The following FAM193A variants were observed in gnomAD, a reference collection of about 807,000 sequenced individuals.
FAM193A encodes protein FAM193A.
In FAM193A, 22 loss-of-function variants were observed where a neutral mutation model predicts 126.5. The observed-to-expected ratio is 0.17, with a 90% CI of 0.12 to 0.25. The LOEUF (loss-of-function observed/expected upper bound fraction) is 0.25, where lower values mean the gene tolerates loss of function less well. Ranked by LOEUF, FAM193A falls within the 10% of genes least tolerant of loss-of-function variation. The pLI is 1.00. For missense variants in FAM193A, 1,675 were observed against 1,672.8 expected, an observed-to-expected ratio of 1.00 and a Z score of -0.02; for synonymous variants, 761 against 646.8, an observed-to-expected ratio of 1.18 and a Z score of -2.68.
chr4:2,710,322 G>A (rs1445844914), intron 19 of FAM193A, among the ~76,000 whole-genome samples: 1 of 151,260 alleles, frequency 6.6e-6, no homozygotes, highest in Non-Finnish European at 1.5e-5. Flanking sequence ...TTATAGGCGC[G>A]TGTTACTACG....
At chr4:2,703,288 C>T (rs1259651905) in intron 19 of FAM193A, among the ~76,000 whole-genome samples, 1 of 152,166 alleles carries the variant, frequency 6.6e-6, no homozygotes, top group African/African-American at 2.4e-5. Context: ...ACTCTGTCAT[C>T]TAGGCTGGAG....
intron 19 of FAM193A, among the ~76,000 whole-genome samples, chr4:2,705,851 G>C (rs560640278): frequency 3.1e-4 from 47 of 152,084 alleles, no homozygotes; most frequent in African/African-American, 1.1e-3. Flanking sequence ...GCCTCCCACA[G>C]TGCTGGGATC....
chr4:2,605,897 G>C (rs1256226872), intron 2 of FAM193A, among the ~76,000 whole-genome samples: 1 of 138,034 alleles, frequency 7.2e-6, no homozygotes, highest in Non-Finnish European at 1.5e-5. Flanking sequence ...CTTGAACCTA[G>C]GAGGTGGAGG....
chr4:2,577,614 T>C (rs1460277679), intron 1 of FAM193A, among the ~76,000 whole-genome samples: 3 of 151,988 alleles, frequency 2.0e-5, no homozygotes, highest in African/African-American at 7.2e-5. Context: ...AGGTGGAGTT[T>C]TGCCGTGTTG....
chr4:2,694,866 G>T, intron 16 of FAM193A, 80 bp from the exon 17 acceptor site: 1 of 1,250,452 alleles, frequency 8.0e-7, no homozygotes. Context: ...GGGCAGGACA[G>T]TGGGTGGTCA....
At chr4:2,604,615 T>C (rs1443034697) in intron 2 of FAM193A, among the ~76,000 whole-genome samples, 6 of 152,064 alleles carry the variant, frequency 3.9e-5, no homozygotes, top group Non-Finnish European at 1.5e-5. Context: ...AAGGGCGTTG[T>C]TTTCTGTTTG....
At chr4:2,560,838 G>C (rs138565339) in intron 1 of FAM193A, among the ~76,000 whole-genome samples, 1 of 152,074 alleles carries the variant, frequency 6.6e-6, no homozygotes, top group African/African-American at 2.4e-5. Context: ...TGTGGAGGCA[G>C]GAGCTCACCA....
In FAM193A at chr4:2,552,321, T is replaced by C. The variant is rs1001818918; in HGVS notation, c.255+15151T>C. ...CCACCGCGCCCGGCTGATTTTTTTT[T>C]GGTATTTTTTGTAGAGACGGGGTTT... is the stretch of plus-strand genomic sequence containing the variant. On this transcript the variant is annotated intron_variant, in intron 1 of 20. Coordinates refer to ENST00000637812, the MANE Select transcript of FAM193A (RefSeq NM_001366318.2). Among the ~76,000 whole-genome samples, 3 of 135,214 alleles carry C rather than the reference T, an allele frequency of 2.2e-5. No individual in the cohort carries two copies. In the Admixed American group the frequency reaches 2.2e-4, roughly 10 times the overall value. 88.7% of individuals were successfully genotyped at this position (135,214 alleles called of 152,430 possible).
intron 14 of FAM193A, 81 bp from the exon 15 acceptor site, chr4:2,690,617 T>C (rs1716260511): frequency 7.7e-7 from 1 of 1,303,468 alleles, no homozygotes; most frequent in African/African-American, 1.5e-5. Context: ...GTATCAAGTG[T>C]TCAGTCATCA....
At chr4:2,652,313 T>C (rs894206576) in intron 7 of FAM193A, among the ~76,000 whole-genome samples, 1 of 152,218 alleles carries the variant, frequency 6.6e-6, no homozygotes, top group Non-Finnish European at 1.5e-5. Flanking sequence ...CACCTCCCTT[T>C]CTCCTGCATT....
intron 20 of FAM193A, among the ~76,000 whole-genome samples, chr4:2,717,293 C>G (rs1719646685): frequency 1.3e-5 from 2 of 151,990 alleles, no homozygotes; most frequent in Non-Finnish European, 2.9e-5. Flanking sequence ...ATAATAAAAA[C>G]AACAAAACTG....
chr4:2,558,748 C>A (rs1211248825), intron 1 of FAM193A, among the ~76,000 whole-genome samples: 1 of 152,182 alleles, frequency 6.6e-6, no homozygotes, highest in African/African-American at 2.4e-5. Flanking sequence ...CGCCTGTAAT[C>A]CCAGCACTTC....
In FAM193A at chr4:2,641,720, A is replaced by T. The variant is rs570284311; in HGVS notation, c.1163+1861A>T. 1.1e-4 allele frequency among the ~76,000 whole-genome samples: 17 copies of T among 152,332 alleles called. No homozygotes were observed. The South Asian group carries it at 3.5e-3, about 32-fold the overall frequency. ...TATTGACCCAGTCTTTGTTTCCTGT[A>T]TTCCCAAATTTTATTTGAGGGGTCC... On this transcript the variant is annotated intron_variant, in intron 6 of 20. Transcript: ENST00000637812.
intron 1 of FAM193A, among the ~76,000 whole-genome samples, chr4:2,544,236 A>G (rs553751112): frequency 2.2e-4 from 33 of 152,316 alleles, no homozygotes; most frequent in African/African-American, 4.1e-4. Flanking sequence ...TATTTTTTCT[A>G]TGTGTACACC....
At chr4:2,578,397 C>T (rs1422315481) in intron 1 of FAM193A, among the ~76,000 whole-genome samples, 2 of 151,882 alleles carry the variant, frequency 1.3e-5, no homozygotes, top group African/African-American at 4.8e-5. Flanking sequence ...GACTCTGTAT[C>T]AAGCACTTGA....
chr4:2,660,274 C>A (rs1170499402), intron 10 of FAM193A, among the ~76,000 whole-genome samples: 2 of 151,978 alleles, frequency 1.3e-5, no homozygotes, highest in African/African-American at 4.8e-5. Flanking sequence ...TTAATAAAGG[C>A]CAGTAAAGAA....
At chr4:2,592,032 A>G (rs1171592164) in intron 1 of FAM193A, among the ~76,000 whole-genome samples, 1 of 152,052 alleles carries the variant, frequency 6.6e-6, no homozygotes, top group South Asian at 2.1e-4. Flanking sequence ...TACATATTTC[A>G]TCTATGTGTT....
At chr4:2,608,106 C>T (rs1577068647) in intron 2 of FAM193A, 6 of 1,608,650 alleles carry the variant, frequency 3.7e-6, no homozygotes, top group South Asian at 1.1e-5. Flanking sequence ...AGTGCTTCCA[C>T]GATCTACTAT....
chr4:2,682,685 G>C (rs1002342167), intron 13 of FAM193A, among the ~76,000 whole-genome samples: 1 of 151,938 alleles, frequency 6.6e-6, no homozygotes, highest in Non-Finnish European at 1.5e-5. Flanking sequence ...TAAAATTTCT[G>C]CAGTTGCCCT....
Sources: allele counts gnomAD v4.1 joint callset (sites outside exome capture counted in the v4.1 genomes callset), GRCh38; gene constraint gnomAD v4.1.1; transcripts MANE v1.5; gene names NCBI Gene and HGNC (gene_info 2026-07-23, HGNC 2026-07-21).